The following STK32C variants were observed in gnomAD, a reference collection of about 807,000 sequenced individuals.
STK32C encodes the protein serine/threonine-protein kinase 32C.
STK32C carries 31 observed loss-of-function variants against 56.5 expected under a neutral mutation model. That is an observed-to-expected ratio of 0.55 (90% CI 0.41 to 0.74). The LOEUF (loss-of-function observed/expected upper bound fraction) is 0.74. Among genes scored for constraint, STK32C ranks in the 30% least tolerant of loss-of-function variants. The probability of loss-of-function intolerance (pLI) is 0.00; values close to 1 mark genes in which losing one functional copy is unlikely to be tolerated. For synonymous variants in STK32C, 309 were observed against 289.4 expected (o/e 1.07, Z -0.69); for missense variants, 544 against 676.9 (o/e 0.80, Z 2.18).
chr10:132,314,016 C>T (rs2066269232), intron 1 of STK32C, among the ~76,000 whole-genome samples: 2 of 152,198 alleles, frequency 1.3e-5, no homozygotes, highest in Non-Finnish European at 2.9e-5. Context: ...GTGAAGGCAT[C>T]CTACCTGGCC....
At chr10:132,273,913 G>C (rs997116684) in intron 1 of STK32C, among the ~76,000 whole-genome samples, 1 of 152,206 alleles carries the variant, frequency 6.6e-6, no homozygotes, top group East Asian at 1.9e-4. Flanking sequence ...TGCGTGTGCT[G>C]ACCCCAGCCC....
intron 2 of STK32C, among the ~76,000 whole-genome samples, chr10:132,234,609 C>T (rs140100835): frequency 3.9e-5 from 6 of 152,354 alleles, no homozygotes; most frequent in South Asian, 2.1e-4. Context: ...TCTGAGCTTC[C>T]GGCCCCTTCA....
rs1377941178 is a variant in STK32C, at chr10:132,207,668, G to A, written c.*342C>T. 8 of 228,434 alleles carry A rather than the reference G, an allele frequency of 3.5e-5. No homozygotes were observed. In the East Asian group the frequency reaches 6.8e-4, roughly 19 times the overall value. The allele number at this position is 228,434 out of a possible 1,614,324, so 14.2% of individuals were successfully genotyped here. On this transcript the variant is annotated 3_prime_UTR_variant, in exon 12 of 12. Coordinates refer to ENST00000298630, the MANE Select transcript of STK32C (RefSeq NM_173575.4). Reference sequence around the variant, plus strand: ...TGTGCTGCAAGGGTCACCTTGTGACGAGGGCCGTGCACAGCCTCCGGGCTG... The same window carrying A: ...TGTGCTGCAAGGGTCACCTTGTGACAAGGGCCGTGCACAGCCTCCGGGCTG...
chr10:132,329,292 T>G (rs118056633), intron 1 of STK32C, among the ~76,000 whole-genome samples: 3,370 of 152,248 alleles, frequency 0.022, 55 homozygotes, highest in Non-Finnish European at 0.032. Context: ...CACATGCCTG[T>G]AGTCTCAGCT....
rs144275832 is a variant in STK32C at position 132,315,986 on chromosome 10, G to A, written c.301+15450C>T. Among the ~76,000 whole-genome samples, 301 of 152,116 alleles carry A rather than the reference G, an allele frequency of 2.0e-3. 1 individual carries two copies. The highest frequency in any genetic ancestry group is 7.1e-3 in the African/African-American group (296 of 41,508). ...CAAGGAAATTTAAAAATATTCAAAT[G>A]GAATGATTATAAAACCCAAACTAAT... On this transcript the variant is annotated intron_variant, in intron 1 of 3. Transcript: ENST00000368620.
chr10:132,293,297 C>A (rs2065629256), intron 1 of STK32C, among the ~76,000 whole-genome samples: 1 of 152,228 alleles, frequency 6.6e-6, no homozygotes, highest in African/African-American at 2.4e-5. Context: ...TGAGATGGCC[C>A]AGGGCCAAGC....
intron 10 of STK32C, among the ~76,000 whole-genome samples, chr10:132,211,177 C>G (rs1171309510): frequency 1.3e-5 from 2 of 149,812 alleles, no homozygotes; most frequent in Non-Finnish European, 2.9e-5. Context: ...TGTCTCAGCA[C>G]TCTCTGGTCT....
intron 1 of STK32C, among the ~76,000 whole-genome samples, chr10:132,297,366 C>T (rs2065780773): frequency 6.6e-6 from 1 of 152,220 alleles, no homozygotes; most frequent in African/African-American, 2.4e-5. Context: ...CCTGCTGTGG[C>T]TGTGCCTGGT....
chr10:132,231,541 T>C (rs1173444667), intron 2 of STK32C, among the ~76,000 whole-genome samples: 3 of 152,182 alleles, frequency 2.0e-5, no homozygotes, highest in Non-Finnish European at 2.9e-5. Flanking sequence ...GAGACCCTGG[T>C]GGAAACGCCT....
At chr10:132,305,457 C>T (rs899963872) in intron 1 of STK32C, among the ~76,000 whole-genome samples, 3 of 152,180 alleles carry the variant, frequency 2.0e-5, no homozygotes, top group Non-Finnish European at 2.9e-5. Flanking sequence ...AAAAATTCAT[C>T]GGAAGGTCTA....
chr10:132,280,850 C>G (rs1310822694), intron 1 of STK32C, among the ~76,000 whole-genome samples: 2 of 143,464 alleles, frequency 1.4e-5, no homozygotes, highest in Non-Finnish European at 3.0e-5. Context: ...TCCGTGATCA[C>G]ACTGAGGCCT....
chr10:132,286,108 G>A (rs995675365), intron 1 of STK32C, among the ~76,000 whole-genome samples: 6 of 151,300 alleles, frequency 4.0e-5, no homozygotes, highest in Admixed American at 1.3e-4. Context: ...CCTGGGTGAC[G>A]GAGCGAGACT....
At chr10:132,210,082 C>T (rs1050830607) in intron 10 of STK32C, among the ~76,000 whole-genome samples, 9 of 152,166 alleles carry the variant, frequency 5.9e-5, no homozygotes, top group South Asian at 2.1e-4. Context: ...TACCATCTTA[C>T]GGGACCACCC....
exon 1 of STK32C, chr10:132,331,608 C>A (rs1445383972): frequency 6.2e-7 from 1 of 1,612,898 alleles, no homozygotes; most frequent in South Asian, 1.1e-5. Flanking sequence ...GGAGTGAGCC[C>A]AGCGGGAAGG....
At chr10:132,223,092 G>C (rs1994688) in intron 8 of STK32C, 106 bp from the exon 9 acceptor site, 1,118,011 of 1,416,002 alleles carry the variant, frequency 0.79, 442,803 homozygotes, top group Admixed American at 0.87. Context: ...CACCAAGCCT[G>C]AGGTTCAGAA....
chr10:132,294,386 C>A (rs1466861507), intron 1 of STK32C, among the ~76,000 whole-genome samples: 3 of 152,142 alleles, frequency 2.0e-5, no homozygotes, highest in African/African-American at 7.2e-5. Flanking sequence ...GCAGGTGGGG[C>A]AGATTCCAGC....
In STK32C at chr10:132,209,111, G is replaced by T. The variant is rs1194826139; in HGVS notation, c.1252-10C>A. ...GAAGATAGTCATTCTCCTGTGGATG[G>T]AAAGGCACACGTGAGCGTGGGGGAC... On this transcript the variant is annotated splice_polypyrimidine_tract_variant and intron_variant, in intron 10 of 11. Coordinates refer to ENST00000298630, the MANE Select transcript of STK32C (RefSeq NM_173575.4). 1.2e-6 allele frequency: 2 copies of T among 1,613,258 alleles called. No homozygotes were observed. The highest frequency in any genetic ancestry group is 1.6e-4 in the Middle Eastern group (1 of 6,084).
At chr10:132,318,606 C>A (rs1387799128) in intron 1 of STK32C, among the ~76,000 whole-genome samples, 1 of 150,638 alleles carries the variant, frequency 6.6e-6, no homozygotes, top group Non-Finnish European at 1.5e-5. Flanking sequence ...CAGAGTGAGA[C>A]CTTGCCTCAA....
At chr10:132,268,728 AGT>A (rs2064699732) in intron 1 of STK32C, among the ~76,000 whole-genome samples, 2 of 53,586 alleles carry the variant, frequency 3.7e-5, no homozygotes, top group African/African-American at 1.6e-4. Flanking sequence ...TGTGTGTGTC[AGT>A]GTGTGTGCAT....
Sources: allele counts gnomAD v4.1 joint callset (sites outside exome capture counted in the v4.1 genomes callset), GRCh38; gene constraint gnomAD v4.1.1; transcripts MANE v1.5; gene names NCBI Gene and HGNC (gene_info 2026-07-23, HGNC 2026-07-21).